The following RASSF3 variants were observed in gnomAD, a reference collection of about 807,000 sequenced individuals.
RASSF3 encodes the protein ras association domain-containing protein 3.
RASSF3 carries 19 observed loss-of-function variants against 19.9 expected under a neutral mutation model. The ratio of observed to expected loss-of-function variants is 0.96; its 90% confidence interval spans 0.67 to 1.40. The LOEUF is 1.40. Among genes scored for constraint, RASSF3 ranks in the 40% most tolerant of loss-of-function variants. The pLI, the probability that RASSF3 is intolerant of heterozygous loss-of-function variation, is 0.00. For missense variants in RASSF3, 306 were observed against 289.8 expected, an observed-to-expected ratio of 1.06 and a Z score of -0.41; for synonymous variants, 110 against 104.2, an observed-to-expected ratio of 1.06 and a Z score of -0.34.
intron 2 of RASSF3, among the ~76,000 whole-genome samples, chr12:64,599,986 C>T (rs1177988750): frequency 2.1e-5 from 3 of 142,666 alleles, no homozygotes; most frequent in African/African-American, 8.0e-5. Flanking sequence ...GAGCCAAGAT[C>T]GCGCCACTGC....
At chr12:64,669,019 C>T (rs1331542568) in intron 1 of RASSF3, among the ~76,000 whole-genome samples, 1 of 152,082 alleles carries the variant, frequency 6.6e-6, no homozygotes, top group African/African-American at 2.4e-5. Context: ...GAAGTCAAGT[C>T]CTAAATTGAA....
intron 1 of RASSF3, among the ~76,000 whole-genome samples, chr12:64,649,766 A>G (rs1388367340): frequency 1.3e-5 from 2 of 152,028 alleles, no homozygotes; most frequent in Admixed American, 1.3e-4. Context: ...TTTGTGGGCA[A>G]TTTTGAGGAT....
chr12:64,565,356 C>A (rs887086034), intron 2 of RASSF3, among the ~76,000 whole-genome samples: 4 of 151,466 alleles, frequency 2.6e-5, no homozygotes, highest in African/African-American at 7.3e-5. Flanking sequence ...GCGGGTGTAT[C>A]ACCTGAGATC....
rs1489683596 is a variant in RASSF3, at chr12:64,695,670, A to C, written c.*758A>C. On this transcript the variant is annotated 3_prime_UTR_variant, in exon 5 of 5. Transcript: ENST00000542104. The stretch of plus-strand genomic sequence containing the variant: ...ATATGGGAACAGAGCCAGAGGCAGG[A>C]GCTAAACCAAAAGGAGGGACCCATG... The C allele has an allele frequency of 6.6e-6, 1 of 152,320 alleles. No homozygotes were observed. Among genetic ancestry groups the C allele is most frequent in the Non-Finnish European group, 1.5e-5 (1 of 68,140 alleles). The allele number at this position is 152,320 out of a possible 1,614,324, so 9.4% of individuals were successfully genotyped here. A position where few individuals can be genotyped will look rare whatever the true frequency, so the allele number is the denominator to read the frequency against.
upstream of RASSF3, among the ~76,000 whole-genome samples, chr12:64,531,633 T>TA (rs889355876): frequency 2.6e-5 from 4 of 152,198 alleles, no homozygotes; most frequent in African/African-American, 4.8e-5. Flanking sequence ...TGTTTTAATA[T>TA]AAAAAATAAT....
At chr12:64,523,437 T>A (rs532989585) in intron 1 of RASSF3, among the ~76,000 whole-genome samples, 7 of 151,818 alleles carry the variant, frequency 4.6e-5, no homozygotes, top group African/African-American at 1.5e-4. Flanking sequence ...AAAGAAAAAA[T>A]AAGCTTCTTT....
intron 1 of RASSF3, among the ~76,000 whole-genome samples, chr12:64,646,838 T>C (rs1009282246): frequency 1.3e-5 from 2 of 152,132 alleles, no homozygotes; most frequent in African/African-American, 4.8e-5. Flanking sequence ...ATAACAACTG[T>C]AGCGGTTACT....
At chr12:64,633,558 C>T (rs1871233704) in intron 1 of RASSF3, among the ~76,000 whole-genome samples, 1 of 152,138 alleles carries the variant, frequency 6.6e-6, no homozygotes, top group Non-Finnish European at 1.5e-5. Context: ...ATGTTGGTGC[C>T]ATGTTTCCTG....
downstream of RASSF3, among the ~76,000 whole-genome samples, chr12:64,543,674 C>T (rs1320195015): frequency 6.6e-6 from 1 of 151,168 alleles, no homozygotes; most frequent in Non-Finnish European, 1.5e-5. Context: ...GCTCCGCCTG[C>T]GCCCCTAGTG....
chr12:64,513,938 G>A (rs1000195552), intron 1 of RASSF3, among the ~76,000 whole-genome samples: 18 of 152,066 alleles, frequency 1.2e-4, no homozygotes, highest in Non-Finnish European at 2.1e-4. Context: ...GGAGTGCAAT[G>A]GCAGGAACTC....
intron 1 of RASSF3, among the ~76,000 whole-genome samples, chr12:64,674,550 C>CA (rs1476322807): frequency 4.6e-5 from 7 of 152,174 alleles, no homozygotes; most frequent in Non-Finnish European, 1.0e-4. Context: ...CACTGCACCT[C>CA]AGCCTGGGCG....
intron 2 of RASSF3, among the ~76,000 whole-genome samples, chr12:64,577,307 G>A (rs1011799302): frequency 2.6e-5 from 4 of 152,186 alleles, no homozygotes; most frequent in Admixed American, 1.3e-4. Flanking sequence ...CTTTGAGGCT[G>A]GGAGAAATTC....
At chr12:64,658,281 A>G (rs1285306936) in intron 1 of RASSF3, among the ~76,000 whole-genome samples, 2 of 152,134 alleles carry the variant, frequency 1.3e-5, no homozygotes, top group Non-Finnish European at 2.9e-5. Context: ...TCTCCATGGA[A>G]TGAAGATCCT....
At chr12:64,652,270 T>C (rs1871984046) in intron 1 of RASSF3, among the ~76,000 whole-genome samples, 1 of 152,218 alleles carries the variant, frequency 6.6e-6, no homozygotes, top group Admixed American at 6.6e-5. Context: ...AATTTTGCTT[T>C]AAAGACAATG....
intron 1 of RASSF3, among the ~76,000 whole-genome samples, chr12:64,508,666 C>T (rs1868306806): frequency 6.6e-6 from 1 of 152,088 alleles, no homozygotes; most frequent in South Asian, 2.1e-4. Flanking sequence ...GGGCAGATCA[C>T]CTGAGGTCGG....
chr12:64,544,591 C>T (rs1318085479), downstream of RASSF3, among the ~76,000 whole-genome samples: 2 of 151,154 alleles, frequency 1.3e-5, no homozygotes, highest in Non-Finnish European at 2.9e-5. Context: ...GCCCTTAAGC[C>T]TGGGCAACAG....
At chr12:64,507,413 A>T (rs1311907553) in intron 1 of RASSF3, 2 of 397,222 alleles carry the variant, frequency 5.0e-6, no homozygotes, top group Non-Finnish European at 8.9e-6. Flanking sequence ...CCTCCCTCGC[A>T]TGGGCAGGGA....
chr12:64,582,529 C>T (rs1330630781), intron 2 of RASSF3, among the ~76,000 whole-genome samples: 1 of 152,166 alleles, frequency 6.6e-6, no homozygotes, highest in Non-Finnish European at 1.5e-5. Flanking sequence ...GTCTTCAAGA[C>T]ATTCAGATTG....
downstream of RASSF3, among the ~76,000 whole-genome samples, chr12:64,546,543 A>G (rs969581668): frequency 1.3e-5 from 2 of 152,216 alleles, no homozygotes; most frequent in African/African-American, 4.8e-5. Flanking sequence ...GTGCTGGGAT[A>G]AAAGGCGTGA....
Sources: gnomAD v4.1 joint callset for allele counts (sites outside exome capture counted in the v4.1 genomes callset) on GRCh38, gnomAD v4.1.1 for gene constraint, MANE v1.5 for transcripts, NCBI Gene and HGNC (gene_info 2026-07-23, HGNC 2026-07-21) for gene names.